The following SAMD8 variants were observed in gnomAD, a reference collection of about 807,000 sequenced individuals.
SAMD8 encodes the protein sterile alpha motif domain containing 8.
In SAMD8, 20 loss-of-function variants were observed where a neutral mutation model predicts 42.0. That is an observed-to-expected ratio of 0.48 (90% CI 0.34 to 0.69). SAMD8 has a LOEUF of 0.69. SAMD8 is among the 30% of genes least tolerant of loss of function. The probability of loss-of-function intolerance (pLI) is 0.01; values close to 1 mark genes in which losing one functional copy is unlikely to be tolerated. For missense variants in SAMD8, 328 were observed against 511.6 expected, an observed-to-expected ratio of 0.64 and a Z score of 3.46; for synonymous variants, 162 against 173.0, an observed-to-expected ratio of 0.94 and a Z score of 0.50.
chr10:75,120,048 A>G (rs1332199560), intron 1 of SAMD8, among the ~76,000 whole-genome samples: 2 of 152,158 alleles, frequency 1.3e-5, no homozygotes, highest in East Asian at 3.9e-4. Flanking sequence ...AGCCTGGGCG[A>G]CAGAGTGAGA....
intron 1 of SAMD8, among the ~76,000 whole-genome samples, chr10:75,101,168 T>C (rs888213170): frequency 2.0e-5 from 3 of 152,152 alleles, no homozygotes; most frequent in African/African-American, 7.2e-5. Context: ...CCTGAGGGTC[T>C]TGGGGAGGGC....
At chr10:75,126,331 A>T (rs1028192852) in intron 1 of SAMD8, among the ~76,000 whole-genome samples, 1 of 152,176 alleles carries the variant, frequency 6.6e-6, no homozygotes, top group Non-Finnish European at 1.5e-5. Context: ...GAGTGAACTA[A>T]TTATGACTCT....
intron 1 of SAMD8, among the ~76,000 whole-genome samples, chr10:75,133,863 A>T (rs538392889): frequency 2.0e-5 from 3 of 152,192 alleles, no homozygotes; most frequent in African/African-American, 7.2e-5. Flanking sequence ...ACAAAATTAC[A>T]GTTAGCTCCA....
At chr10:75,108,297 G>GCT (rs766229028), upstream of SAMD8, 98 of 1,503,040 alleles carry the variant, frequency 6.5e-5, 1 homozygote, top group South Asian at 1.2e-3. Context: ...CAGAGGGACC[G>GCT]AGCCATTAGG....
intron 1 of SAMD8, among the ~76,000 whole-genome samples, chr10:75,135,682 T>C (rs747613860): frequency 1.3e-5 from 2 of 149,312 alleles, no homozygotes; most frequent in Non-Finnish European, 3.0e-5. Flanking sequence ...AAAAATTAAC[T>C]GGGCATGGTG....
intron 4 of SAMD8, among the ~76,000 whole-genome samples, chr10:75,174,732 A>G (rs558925738): frequency 6.6e-6 from 1 of 151,516 alleles, no homozygotes; most frequent in South Asian, 2.1e-4. Context: ...CGCACCCTGC[A>G]GTATGCTTTT....
intron 4 of SAMD8, among the ~76,000 whole-genome samples, chr10:75,173,082 T>C (rs1840907403): frequency 6.6e-6 from 1 of 152,222 alleles, no homozygotes; most frequent in Non-Finnish European, 1.5e-5. Context: ...ATAAATTAGA[T>C]ACCATCCTTC....
At chr10:75,170,270 T>C (rs1202622862) in intron 4 of SAMD8, among the ~76,000 whole-genome samples, 2 of 152,242 alleles carry the variant, frequency 1.3e-5, no homozygotes, top group African/African-American at 2.4e-5. Flanking sequence ...CAAATAAATG[T>C]ATGTGTTAAC....
At chr10:75,167,774 G>A (rs1440485112) in intron 3 of SAMD8, among the ~76,000 whole-genome samples, 6 of 151,322 alleles carry the variant, frequency 4.0e-5, no homozygotes, top group African/African-American at 1.2e-4. Context: ...TAAATTATTT[G>A]TAGAGATGAG....
chr10:75,123,832 C>G (rs530023755), intron 1 of SAMD8, among the ~76,000 whole-genome samples: 2 of 151,266 alleles, frequency 1.3e-5, no homozygotes, highest in Non-Finnish European at 2.9e-5. Context: ...TACTCAGCCT[C>G]AGAGTAGCTA....
In SAMD8 at chr10:75,150,920, A is replaced by C. The variant is rs201834927; in HGVS notation, c.392A>C (p.Tyr131Ser). The C allele has an allele frequency of 6.2e-7, 1 of 1,612,948 alleles. No homozygotes were observed. Among genetic ancestry groups the C allele is most frequent in the Non-Finnish European group, 8.5e-7 (1 of 1,179,474 alleles). Residue 131 changes from tyrosine to serine, a missense_variant, in exon 2 of 6, where the codon TAC becomes TCC. Physicochemically the swap from Tyr to Ser is moderately radical, Grantham distance 144. Transcript: ENST00000542569. The stretch of plus-strand genomic sequence containing the variant: ...ATAACTGACTTGAATTCTGATCAGT[A>C]CCAGTACATGAATGGTAAAAACAAA... Reference protein sequence around the residue: ...GPITDLNSDQYQYMNGKNKHS... With the variant: ...GPITDLNSDQSQYMNGKNKHS...
At chr10:75,105,895 C>G (rs1417754761) in intron 1 of SAMD8, 3 of 1,540,788 alleles carry the variant, frequency 1.9e-6, no homozygotes, top group Non-Finnish European at 8.8e-7. Flanking sequence ...GGTGAAAAAC[C>G]CTGTCCCACA....
chr10:75,114,187 GA>G (rs1244757179), intron 1 of SAMD8, among the ~76,000 whole-genome samples: 4 of 151,854 alleles, frequency 2.6e-5, no homozygotes, highest in Admixed American at 2.6e-4. Flanking sequence ...ACTATAAAAA[GA>G]ATTAATCAGG....
Position 75,176,793 on chromosome 10 carries a change from T to G in SAMD8, c.*101T>G. On this transcript the variant is annotated 3_prime_UTR_variant, in exon 6 of 6. Transcript: ENST00000542569. The surrounding 1 kb of genome is among the most constrained non-coding windows in gnomAD (Gnocchi z 4.3). ...AGGTTGTTCTTAGATGCCTGGCTTA[T>G]GTGTTGACAAAGTAAAGTTTTCTGT... 1.2e-6 allele frequency: 1 copy of G among 860,862 alleles called. No individual in the cohort carries two copies. The highest frequency in any genetic ancestry group is 1.7e-6 in the Non-Finnish European group (1 of 572,584). The allele number at this position is 860,862 out of a possible 1,614,324, so 53.3% of individuals were successfully genotyped here.
chr10:75,131,299 C>T (rs1446569555), intron 1 of SAMD8, among the ~76,000 whole-genome samples: 6 of 152,296 alleles, frequency 3.9e-5, no homozygotes, highest in Admixed American at 2.6e-4. Flanking sequence ...ATTGAGTCTT[C>T]GAGGTGCCTT....
chr10:75,130,402 A>T (rs1051820623), intron 1 of SAMD8, among the ~76,000 whole-genome samples: 15 of 152,148 alleles, frequency 9.9e-5, no homozygotes, highest in African/African-American at 3.6e-4. Flanking sequence ...GCTACTCGGG[A>T]GGCTGAGGCA....
At chr10:75,111,985 G>T (rs1848780961) in intron 1 of SAMD8, among the ~76,000 whole-genome samples, 1 of 152,184 alleles carries the variant, frequency 6.6e-6, no homozygotes, top group South Asian at 2.1e-4. Flanking sequence ...GAGGCTTGAA[G>T]AGCCCAGAGC....
chr10:75,103,307 C>T (rs1248546717), intron 1 of SAMD8, among the ~76,000 whole-genome samples: 3 of 152,200 alleles, frequency 2.0e-5, no homozygotes. Flanking sequence ...GGATAAAGAC[C>T]TAGAAGACTC....
chr10:75,156,714 A>G (rs768008337), intron 2 of SAMD8, among the ~76,000 whole-genome samples: 9 of 152,188 alleles, frequency 5.9e-5, no homozygotes, highest in African/African-American at 9.6e-5. Context: ...AACATTCTAC[A>G]AGACAGCTGA....
Sources: allele counts gnomAD v4.1 joint callset (sites outside exome capture counted in the v4.1 genomes callset), GRCh38; gene constraint gnomAD v4.1.1; non-coding constraint Gnocchi (gnomAD v3.1); transcripts MANE v1.5; gene names NCBI Gene and HGNC (gene_info 2026-07-23, HGNC 2026-07-21).